Variants in ZFYVE26 observed in about 807,000 individuals in gnomAD.
ZFYVE26 encodes the protein zinc finger FYVE-type containing 26.
ZFYVE26 carries 181 observed loss-of-function variants against 276.5 expected under a neutral mutation model. That is an observed-to-expected ratio of 0.65 (90% CI 0.58 to 0.74). ZFYVE26 has a LOEUF of 0.74. Among genes scored for constraint, ZFYVE26 ranks in the 30% least tolerant of loss-of-function variants. The pLI, the probability that ZFYVE26 is intolerant of heterozygous loss-of-function variation, is 0.00. For synonymous variants in ZFYVE26, 1,129 were observed against 1,203.1 expected (o/e 0.94, Z 1.27); for missense variants, 2,821 against 3,097.9 (o/e 0.91, Z 2.12).
chr14:67,772,043 T>C lies in ZFYVE26; in HGVS notation c.5484+4A>G. The C allele has an allele frequency of 1.2e-6, 2 of 1,610,568 alleles. No homozygotes were observed. The highest frequency in any genetic ancestry group is 1.7e-6 in the Non-Finnish European group (2 of 1,179,222). On this transcript the variant is annotated splice_donor_region_variant and intron_variant, in intron 28 of 41. Coordinates refer to ENST00000347230, the MANE Select transcript of ZFYVE26 (RefSeq NM_015346.4). ...GGGTGACAGTGGAGACCGATGCTGC[T>C]TACCATGGTGAAGTGCTCCCTGCAG... is the stretch of plus-strand genomic sequence containing the variant.
intron 21 of ZFYVE26, among the ~76,000 whole-genome samples, chr14:67,781,763 G>C (rs1016528871): frequency 6.6e-6 from 1 of 152,110 alleles, no homozygotes; most frequent in African/African-American, 2.4e-5. Context: ...ATAGCCATGA[G>C]ACTTTCAGAA....
At position 67,766,321 on chromosome 14, in the gene ZFYVE26, C is replaced by T. The variant is rs557188133; in HGVS notation, c.5917G>A (p.Gly1973Arg). 8 of 1,613,540 alleles carry T rather than the reference C, an allele frequency of 5.0e-6. No individual in the cohort carries two copies. The highest frequency in any genetic ancestry group is 4.4e-5 in the South Asian group (4 of 91,042). Reference sequence around the variant, plus strand: ...TGCTTCATGATGTCCGTGAGCAGCCCGGCATCCACCTCTGGGTTGGTGAGG... The same window carrying T: ...TGCTTCATGATGTCCGTGAGCAGCCTGGCATCCACCTCTGGGTTGGTGAGG... Reference protein sequence around the residue: ...KGLTNPEVDAGLLTDIMKQLL... With the variant: ...KGLTNPEVDARLLTDIMKQLL... The change falls in exon 32 of 42, where the codon GGG (glycine) becomes AGG (arginine). Residue 1973 changes from glycine to arginine, a missense_variant. By Grantham distance (125) the Gly-to-Arg change is moderately radical. Transcript: ENST00000347230.
At position 67,784,436 on chromosome 14, in the gene ZFYVE26, T is replaced by A. The variant is rs1207361204; in HGVS notation, c.3524A>T (p.Asp1175Val). Residue 1175 changes from aspartate to valine, a missense_variant and splice_region_variant, in exon 20 of 42, where the codon GAT (aspartate) becomes GTT (valine). By Grantham distance (152) the Asp-to-Val change is radical (BLOSUM62 -3). Coordinates refer to ENST00000347230, the MANE Select transcript of ZFYVE26 (RefSeq NM_015346.4). ...ATTTCCTACCTTGACCTCCACATGATCTGCAAAGGTAAAGAACATGATCTT... is the reference window on the plus strand; with the variant it reads ...ATTTCCTACCTTGACCTCCACATGAACTGCAAAGGTAAAGAACATGATCTT... ...VLLQSLSSEP[D>V]HVEVKVGNPF... 1.2e-6 allele frequency: 2 copies of A among 1,613,696 alleles called. No individual in the cohort carries two copies. The highest frequency in any genetic ancestry group is 2.7e-5 in the African/African-American group (2 of 74,892).
chr14:67,805,913 G>A (rs1003172446), intron 6 of ZFYVE26, among the ~76,000 whole-genome samples: 3 of 152,166 alleles, frequency 2.0e-5, no homozygotes, highest in Non-Finnish European at 4.4e-5. Flanking sequence ...TGTAATCCCA[G>A]CTACTTGGGA....
intron 10 of ZFYVE26, among the ~76,000 whole-genome samples, chr14:67,801,541 C>T (rs561957880): frequency 6.6e-6 from 1 of 152,148 alleles, no homozygotes; most frequent in Non-Finnish European, 1.5e-5. Flanking sequence ...GATCACTAGT[C>T]AGTCACAGAA....
chr14:67,780,221 AC>A lies in ZFYVE26; in HGVS notation c.4674+19del, dbSNP rs780475673. ...CTCTGAAAGGAGGATGAAGGGGAAC[AC>A]CACCCAGGAAAACGGTACCTGTGCT... On this transcript the variant is annotated intron_variant, in intron 23 of 41. Transcript: ENST00000347230. The A allele has an allele frequency of 1.2e-6, 2 of 1,608,874 alleles. 1 individual carries two copies. Among genetic ancestry groups the A allele is most frequent in the South Asian group, 2.2e-5 (2 of 90,582 alleles).
At chr14:67,761,235 T>C (rs1373015551) in intron 35 of ZFYVE26, 131 bp downstream of exon 35, 2 of 862,642 alleles carry the variant, frequency 2.3e-6, no homozygotes, top group Admixed American at 4.0e-5. Flanking sequence ...TTGACTTGAC[T>C]CTGCTAGAGA....
At chr14:67,812,266 T>G (rs1302981929) in intron 3 of ZFYVE26, among the ~76,000 whole-genome samples, 1 of 152,196 alleles carries the variant, frequency 6.6e-6, no homozygotes, top group Non-Finnish European at 1.5e-5. Flanking sequence ...CTAATAGAAG[T>G]AGCATAGACG....
chr14:67,809,136 A>T (rs2040241234), intron 4 of ZFYVE26, 64 bp downstream of exon 4: 2 of 1,409,654 alleles, frequency 1.4e-6, no homozygotes, highest in African/African-American at 2.8e-5. Context: ...TTCTGGGTCC[A>T]TGGAAGCTAA....
intron 27 of ZFYVE26, among the ~76,000 whole-genome samples, chr14:67,772,904 T>C (rs986717037): frequency 1.4e-4 from 21 of 152,100 alleles, no homozygotes; most frequent in Middle Eastern, 3.2e-3. Flanking sequence ...AAGGTTATAG[T>C]AGCCATGATC....
At chr14:67,788,696 C>T (rs1055966159) in intron 16 of ZFYVE26, among the ~76,000 whole-genome samples, 2 of 152,142 alleles carry the variant, frequency 1.3e-5, no homozygotes, top group Non-Finnish European at 2.9e-5. Flanking sequence ...TGGGGGTGGA[C>T]TTGGGGACCC....
At chr14:67,804,343 T>A in intron 8 of ZFYVE26, 79 bp from the exon 9 acceptor site, 2 of 1,536,082 alleles carry the variant, frequency 1.3e-6, no homozygotes. Flanking sequence ...CATTCCCTCT[T>A]GTTCTTCCTC....
downstream of ZFYVE26, among the ~76,000 whole-genome samples, chr14:67,745,605 A>T (rs903920978): frequency 6.6e-6 from 1 of 152,144 alleles, no homozygotes; most frequent in Non-Finnish European, 1.5e-5. Flanking sequence ...TGGCAAGAAA[A>T]CAGTTTAAGC....
At chr14:67,729,396 G>T in exon 14 of ZFYVE26, 3 of 1,596,536 alleles carry the variant, frequency 1.9e-6, no homozygotes. Flanking sequence ...TGAAGGCAAT[G>T]CGGTTCTCTC....
Position 67,798,183 on chromosome 14 carries a change from T to C in ZFYVE26, c.2079A>G (p.Gln693=). 1 of 1,614,218 alleles carries C rather than the reference T, an allele frequency of 6.2e-7. No individual in the cohort carries two copies. The highest frequency in any genetic ancestry group is 8.5e-7 in the Non-Finnish European group (1 of 1,180,032). ...GGCTACTGATCTCATCCAGTTGCTC[T>C]TGGAGAAGCCTGAGGAAGGCCCCTA... The part of the protein sequence containing the change: ...FAIGAFLRLL[Q]EQLDEISSRS... Residue 693 remains glutamine, a synonymous_variant, in exon 11 of 42, where the codon CAA becomes CAG. Coordinates refer to ENST00000347230, the MANE Select transcript of ZFYVE26 (RefSeq NM_015346.4).
chr14:67,810,315 C>T (rs1245803828), intron 3 of ZFYVE26, among the ~76,000 whole-genome samples: 1 of 152,156 alleles, frequency 6.6e-6, no homozygotes, highest in Non-Finnish European at 1.5e-5. Context: ...TTGGTCCAAA[C>T]CTCTGTTTTT....
In ZFYVE26 at chr14:67,808,955, G is replaced by T. The variant is rs534577775; in HGVS notation, c.363+245C>A. On this transcript the variant is annotated intron_variant, in intron 4 of 41. Transcript: ENST00000347230. ...GTTCCTTGTCCCCTTCATATTCCCT[G>T]CTATCTACTAATAAATCTTTAATTC... 2.0e-5 allele frequency among the ~76,000 whole-genome samples: 3 copies of T among 152,260 alleles called. No individual in the cohort carries two copies. In the East Asian group the frequency reaches 5.8e-4, roughly 29 times the overall value.
At chr14:67,775,527 G>A (rs757694265) in intron 26 of ZFYVE26, among the ~76,000 whole-genome samples, 16 of 152,272 alleles carry the variant, frequency 1.1e-4, no homozygotes, top group Non-Finnish European at 1.9e-4. Flanking sequence ...ATGTGATCCT[G>A]GGAATAAGGC....
At chr14:67,790,367 G>A (rs1012985880) in intron 15 of ZFYVE26, among the ~76,000 whole-genome samples, 2 of 152,220 alleles carry the variant, frequency 1.3e-5, no homozygotes, top group African/African-American at 4.8e-5. Flanking sequence ...GCAGTAGGTT[G>A]AGTGGTGGTA....
Sources: allele counts gnomAD v4.1 joint callset (sites outside exome capture counted in the v4.1 genomes callset), GRCh38; gene constraint gnomAD v4.1.1; transcripts MANE v1.5; gene names NCBI Gene and HGNC (gene_info 2026-07-23, HGNC 2026-07-21).